Variants in TNS1 observed in about 807,000 individuals in gnomAD.
TNS1 encodes the protein tensin-1.
A neutral mutation model predicts 168.6 loss-of-function variants in TNS1; 62 were observed. That is an observed-to-expected ratio of 0.37 (90% confidence interval 0.30 to 0.45). The LOEUF (loss-of-function observed/expected upper bound fraction) is 0.45. Among genes scored for constraint, TNS1 ranks in the 20% least tolerant of loss-of-function variants. TNS1 has a pLI of 1.00. For missense variants in TNS1, 2,240 were observed against 2,339.4 expected (o/e 0.96, Z 0.88); for synonymous variants, 934 against 933.2 (o/e 1.00, Z -0.02).
At chr2:217,913,098 C>T (rs527874371) in intron 4 of TNS1, among the ~76,000 whole-genome samples, 1 of 152,136 alleles carries the variant, frequency 6.6e-6, no homozygotes, top group Non-Finnish European at 1.5e-5. Flanking sequence ...TGGGTGAGGG[C>T]TAGAGAAAGA....
rs547421126 is a variant in TNS1 at position 217,894,893 on chromosome 2, C to A, written c.594+113G>T. 8.8e-6 allele frequency: 9 copies of A among 1,019,936 alleles called. No individual in the cohort carries two copies. The East Asian group carries it at 1.0e-4, about 12-fold the overall frequency. 63.2% of individuals were successfully genotyped at this position (1,019,936 alleles called of 1,614,324 possible). On this transcript the variant is annotated intron_variant, in intron 9 of 32. Coordinates refer to ENST00000682258, the MANE Select transcript of TNS1 (RefSeq NM_001387777.1). Reference sequence around the variant, plus strand: ...TTTCCATTTTCCAGATATAAGTCGGCACTCTGACAAACTGTCACAGCATTT... The same window carrying A: ...TTTCCATTTTCCAGATATAAGTCGGAACTCTGACAAACTGTCACAGCATTT...
At chr2:217,964,955 G>A (rs13018687) in intron 3 of TNS1, among the ~76,000 whole-genome samples, 20,985 of 152,220 alleles carry the variant, frequency 0.14, 1,567 homozygotes, top group South Asian at 0.31. Flanking sequence ...CATCAGCCAG[G>A]AGCCAGAACC....
intron 1 of TNS1, among the ~76,000 whole-genome samples, chr2:218,028,972 C>T (rs755732752): frequency 9.9e-5 from 15 of 152,236 alleles, no homozygotes; most frequent in Non-Finnish European, 1.9e-4. Flanking sequence ...TGTCCCAGTG[C>T]CAGGAGCCCT....
chr2:217,843,979 A>C (rs1946320374), intron 19 of TNS1, among the ~76,000 whole-genome samples: 1 of 150,538 alleles, frequency 6.6e-6, no homozygotes, highest in African/African-American at 2.4e-5. Context: ...TGGAGGCTCC[A>C]CTCTCCCCTC....
chr2:218,006,051 C>G (rs1412970520), upstream of TNS1, among the ~76,000 whole-genome samples: 1 of 152,246 alleles, frequency 6.6e-6, no homozygotes, highest in Non-Finnish European at 1.5e-5. Context: ...ATCCCAGAAG[C>G]CTCAGAACCC....
chr2:217,982,116 T>C (rs1378557884), intron 2 of TNS1, among the ~76,000 whole-genome samples: 1 of 152,194 alleles, frequency 6.6e-6, no homozygotes, highest in Non-Finnish European at 1.5e-5. Flanking sequence ...CCAGTGACCA[T>C]GTCGTGAAAA....
Position 217,857,881 on chromosome 2 carries a change from C to T in TNS1, c.1430-8794G>A, listed in dbSNP as rs559715819. Among the ~76,000 whole-genome samples the T allele has an allele frequency of 2.6e-5, 4 of 152,326 alleles. No individual in the cohort carries two copies. The East Asian group carries it at 7.7e-4, about 29-fold the overall frequency. ...GGCACACTCAGGATGGTAAAAATAG[C>T]TCCAGAGCCCACAACAAGCTGAAGT... On this transcript the variant is annotated intron_variant, in intron 18 of 32. Coordinates refer to ENST00000682258, the MANE Select transcript of TNS1 (RefSeq NM_001387777.1).
intron 1 of TNS1, among the ~76,000 whole-genome samples, chr2:217,991,677 A>G (rs1404083153): frequency 6.6e-6 from 1 of 152,028 alleles, no homozygotes; most frequent in Non-Finnish European, 1.5e-5. Context: ...CCCATTGTGT[A>G]GATGCAGCAG....
At chr2:217,991,405 C>T (rs776022640) in intron 1 of TNS1, among the ~76,000 whole-genome samples, 1 of 152,094 alleles carries the variant, frequency 6.6e-6, no homozygotes, top group Admixed American at 6.5e-5. Context: ...TCACTCGATA[C>T]GTTCCACACA....
At chr2:217,907,808 A>C (rs534218944) in intron 4 of TNS1, among the ~76,000 whole-genome samples, 3 of 152,102 alleles carry the variant, frequency 2.0e-5, no homozygotes, top group Non-Finnish European at 4.4e-5. Flanking sequence ...ACACACCTCC[A>C]TTTCCAAGCA....
chr2:217,904,966 T>C (rs1008332933), intron 6 of TNS1, among the ~76,000 whole-genome samples: 3 of 152,092 alleles, frequency 2.0e-5, no homozygotes, highest in African/African-American at 7.2e-5. Context: ...AGGGATGGAG[T>C]GGCATTCACC....
intron 3 of TNS1, among the ~76,000 whole-genome samples, chr2:217,975,563 C>G (rs758057547): frequency 9.9e-5 from 15 of 152,106 alleles, no homozygotes; most frequent in Non-Finnish European, 2.2e-4. Flanking sequence ...CAAGAAACCC[C>G]AAGTGCATGG....
intron 3 of TNS1, among the ~76,000 whole-genome samples, chr2:217,949,971 G>A (rs1286309423): frequency 6.6e-6 from 1 of 152,114 alleles, no homozygotes; most frequent in Non-Finnish European, 1.5e-5. Flanking sequence ...CTAACAGTAG[G>A]ATATGCTTGC....
intron 3 of TNS1, among the ~76,000 whole-genome samples, chr2:217,975,981 C>T (rs1559396210): frequency 6.6e-6 from 1 of 152,176 alleles, no homozygotes; most frequent in Non-Finnish European, 1.5e-5. Context: ...GCACTCACTA[C>T]TCTCCAGCCC....
At chr2:217,984,118 C>G (rs976973930) in intron 2 of TNS1, among the ~76,000 whole-genome samples, 1 of 152,192 alleles carries the variant, frequency 6.6e-6, no homozygotes, top group South Asian at 2.1e-4. Flanking sequence ...GGGTACCCCA[C>G]CTGCCAACCT....
intron 2 of TNS1, among the ~76,000 whole-genome samples, chr2:217,984,639 C>A (rs1958144944): frequency 6.6e-6 from 1 of 151,900 alleles, no homozygotes; most frequent in Non-Finnish European, 1.5e-5. Flanking sequence ...CAGGTGTGCA[C>A]CACCACACCC....
chr2:217,888,882 C>T (rs1368251365), intron 12 of TNS1, among the ~76,000 whole-genome samples: 1 of 152,158 alleles, frequency 6.6e-6, no homozygotes, highest in Non-Finnish European at 1.5e-5. Flanking sequence ...CTAAATAATC[C>T]TATTCCTGAG....
intron 3 of TNS1, among the ~76,000 whole-genome samples, chr2:217,923,165 T>A (rs938639737): frequency 6.6e-6 from 1 of 151,742 alleles, no homozygotes; most frequent in African/African-American, 2.4e-5. Flanking sequence ...CTATAGGGGG[T>A]CTTGGTGCCA....
chr2:217,968,432 TG>T (rs1341704702), intron 3 of TNS1, among the ~76,000 whole-genome samples: 1 of 152,204 alleles, frequency 6.6e-6, no homozygotes, highest in Non-Finnish European at 1.5e-5. Context: ...TAAATACTGA[TG>T]ATTGTAAGAT....
Sources: allele counts gnomAD v4.1 joint callset (sites outside exome capture counted in the v4.1 genomes callset), GRCh38; gene constraint gnomAD v4.1.1; transcripts MANE v1.5; gene names NCBI Gene and HGNC (gene_info 2026-07-23, HGNC 2026-07-21).